PIEZO2: variants seen among roughly 807,000 people sequenced by gnomAD.
The protein encoded by PIEZO2 is piezo-type mechanosensitive ion channel component 2.
PIEZO2 carries 172 observed loss-of-function variants against 337.3 expected under a neutral mutation model. The observed-to-expected ratio is 0.51, with a 90% CI of 0.45 to 0.58. The LOEUF (loss-of-function observed/expected upper bound fraction) is 0.58, where lower values mean the gene tolerates loss of function less well. Among genes scored for constraint, PIEZO2 ranks in the 20% least tolerant of loss-of-function variants. PIEZO2 has a pLI of 0.00. For missense variants in PIEZO2, 3,028 were observed against 3,391.3 expected (o/e 0.89, Z 2.66); for synonymous variants, 1,251 against 1,228.5 (o/e 1.02, Z -0.38).
chr18:11,093,899 A>C (rs1015698967), intron 1 of PIEZO2, among the ~76,000 whole-genome samples: 2 of 152,214 alleles, frequency 1.3e-5, no homozygotes, highest in Admixed American at 1.3e-4. Context: ...TAAGTGAGTG[A>C]ACATTACATG....
At chr18:10,691,729 T>G (rs761746364) in intron 47 of PIEZO2, among the ~76,000 whole-genome samples, 4 of 134,592 alleles carry the variant, frequency 3.0e-5, no homozygotes, top group Non-Finnish European at 6.2e-5. Context: ...AGAAAAAGCC[T>G]ATATACATTA....
chr18:11,114,407 T>C (rs1488547383), intron 1 of PIEZO2, among the ~76,000 whole-genome samples: 1 of 152,258 alleles, frequency 6.6e-6, no homozygotes, highest in Non-Finnish European at 1.5e-5. Context: ...GGCTCACGCC[T>C]GTAATCCCAG....
chr18:11,049,776 C>T (rs750191226), intron 2 of PIEZO2, among the ~76,000 whole-genome samples: 3 of 152,126 alleles, frequency 2.0e-5, no homozygotes, highest in Non-Finnish European at 4.4e-5. Flanking sequence ...CCTTTCGCCT[C>T]CCACCATGAT....
In PIEZO2 at chr18:10,718,224, T is replaced by C. The variant is rs886785903; in HGVS notation, c.5065A>G (p.Ile1689Val). Residue 1689 changes from isoleucine to valine, a missense_variant, in exon 37 of 56, where the codon ATC becomes GTC. Coordinates refer to ENST00000674853, the MANE Select transcript of PIEZO2 (RefSeq NM_001378183.1). ...VEWEDREDEP[I>V]KKKSDGPDNI... ...CCTGGTCCATCGGATTTCTTTTTGA[T>C]TGGTTCATCCTCCCGGTCTTCCCAT... The C allele has an allele frequency of 4.6e-6, 7 of 1,537,030 alleles. No individual in the cohort carries two copies. Among genetic ancestry groups the C allele is most frequent in the Non-Finnish European group, 6.1e-6 (7 of 1,146,796 alleles).
Position 10,681,663 on chromosome 18 carries a change from T to C in PIEZO2, c.7777A>G (p.Thr2593Ala), listed in dbSNP as rs1395572323. 6.3e-7 allele frequency: 1 copy of C among 1,582,036 alleles called. No individual in the cohort carries two copies. The highest frequency in any genetic ancestry group is 2.2e-5 in the East Asian group (1 of 44,714). ...NKFIQAFSRD[T>A]GAMQFLENYE... The stretch of plus-strand genomic sequence containing the variant: ...ATCTACTATAGGGATTTACTTACGG[T>C]GTCCCTAGAAAAAGCTTGTATAAAT... Residue 2593 changes from threonine (T) to alanine (A), a missense_variant and splice_region_variant, in exon 51 of 56, where the codon ACC becomes GCC. Transcript: ENST00000674853.
At position 10,680,344 on chromosome 18, in the gene PIEZO2, C is replaced by A. The variant is rs2034210482; in HGVS notation, c.7807G>T (p.Glu2603Ter). ...TCTGCTACTGTTATGTCTTCTTTTT[C>A]ATAATTTTCCAGAAATTGCATAGCA... Reference protein sequence around the residue: ...TGAMQFLENYEKEDITVAELE... With the variant: ...TGAMQFLENY Residue 2603 changes from glutamate to a stop codon, truncating the protein, a stop_gained, in exon 52 of 56, where the codon GAA becomes TAA. Transcript: ENST00000674853. LOFTEE classifies it high-confidence loss of function. 5.6e-6 allele frequency: 9 copies of A among 1,613,876 alleles called. No individual in the cohort carries two copies. The highest frequency in any genetic ancestry group is 7.6e-6 in the Non-Finnish European group (9 of 1,179,892).
chr18:10,717,153 C>T (rs544673424), intron 37 of PIEZO2, among the ~76,000 whole-genome samples: 1 of 152,224 alleles, frequency 6.6e-6, no homozygotes, highest in Admixed American at 6.5e-5. Flanking sequence ...TCTCTCTCTG[C>T]CTCAGTTCCC....
At chr18:11,039,776 A>AC (rs33931942) in intron 2 of PIEZO2, among the ~76,000 whole-genome samples, 142 of 96,990 alleles carry the variant, frequency 1.5e-3, no homozygotes, top group South Asian at 2.7e-3. Flanking sequence ...ACACACACAC[A>AC]AAATTTCTTC....
At position 11,002,864 on chromosome 18, in the gene PIEZO2, G is replaced by C. The variant is rs796713329; in HGVS notation, c.161-23204C>G. Among the ~76,000 whole-genome samples the C allele has an allele frequency of 1.3e-5, 2 of 152,194 alleles. No individual in the cohort carries two copies. The highest frequency in any genetic ancestry group is 2.9e-5 in the Non-Finnish European group (2 of 68,044). On this transcript the variant is annotated intron_variant, in intron 2 of 55. Transcript: ENST00000674853. This position sits in a 1 kb window ranked among gnomAD's most constrained non-coding sequence, Gnocchi z 4.3. ...CTCACACATTTTCATGGTCCTCCATGGGCAGGTTCAGCAGAGAACAGACCA... is the reference window on the plus strand; with the variant it reads ...CTCACACATTTTCATGGTCCTCCATCGGCAGGTTCAGCAGAGAACAGACCA...
chr18:11,113,340 T>G (rs927549655), intron 1 of PIEZO2, among the ~76,000 whole-genome samples: 6 of 152,196 alleles, frequency 3.9e-5, no homozygotes, highest in Non-Finnish European at 8.8e-5. Flanking sequence ...ACTGTTTGTT[T>G]CCATTGACCA....
At chr18:11,073,579 C>A (rs1362978146) in intron 1 of PIEZO2, among the ~76,000 whole-genome samples, 2 of 152,064 alleles carry the variant, frequency 1.3e-5, no homozygotes, top group East Asian at 3.9e-4. Flanking sequence ...AGTGCACAAA[C>A]TAAAAACTAA....
intron 49 of PIEZO2, among the ~76,000 whole-genome samples, chr18:10,686,701 G>C (rs758788411): frequency 1.3e-5 from 2 of 152,184 alleles, no homozygotes; most frequent in African/African-American, 4.8e-5. Flanking sequence ...CACAGTGAAA[G>C]ATGGGGTCTA....
chr18:10,715,601 GTCT>G, intron 38 of PIEZO2, 46 bp downstream of exon 38: 1 of 1,439,998 alleles, frequency 6.9e-7, no homozygotes. Flanking sequence ...GACTTTTAAT[GTCT>G]TCTTAATGTG....
chr18:10,686,010 G>A (rs2034531134), intron 49 of PIEZO2, among the ~76,000 whole-genome samples: 1 of 152,164 alleles, frequency 6.6e-6, no homozygotes, highest in East Asian at 1.9e-4. Context: ...CCTGATATTA[G>A]AATTTTTACT....
In PIEZO2 at chr18:11,128,889, A is replaced by C. The variant is rs184095625; in HGVS notation, c.64+19636T>G. Among the ~76,000 whole-genome samples, 48 of 152,330 alleles carry C rather than the reference A, an allele frequency of 3.2e-4. 1 individual carries two copies. In the East Asian group the frequency reaches 9.3e-3, roughly 29 times the overall value. On this transcript the variant is annotated intron_variant, in intron 1 of 55. Coordinates refer to ENST00000674853, the MANE Select transcript of PIEZO2 (RefSeq NM_001378183.1). The surrounding 1 kb of genome is among the most constrained non-coding windows in gnomAD (Gnocchi z 4.1). ...ATGGATATTAAGGGTATGGGATAAT[A>C]GTGGAAGGAACAAAGAGTTGGATCA...
chr18:10,773,719 G>T lies in PIEZO2; in HGVS notation c.2568-90C>A. On this transcript the variant is annotated intron_variant, in intron 19 of 55. Coordinates refer to ENST00000674853, the MANE Select transcript of PIEZO2 (RefSeq NM_001378183.1). This position sits in a 1 kb window ranked among gnomAD's most constrained non-coding sequence, Gnocchi z 5.3. ...AAGTAAAAGGAGGATAAACACAAAT[G>T]AAATCAGTGCATGTACAAAGACCTC... is the stretch of plus-strand genomic sequence containing the variant. 1.6e-6 allele frequency: 2 copies of T among 1,231,290 alleles called. No homozygotes were observed. Among genetic ancestry groups the T allele is most frequent in the Admixed American group, 2.0e-5 (1 of 49,248 alleles). The allele number at this position is 1,231,290 out of a possible 1,614,324, so 76.3% of individuals were successfully genotyped here. A position where few individuals can be genotyped will look rare whatever the true frequency, so the allele number is the denominator to read the frequency against.
intron 1 of PIEZO2, among the ~76,000 whole-genome samples, chr18:11,103,736 C>A (rs2039480683): frequency 6.6e-6 from 1 of 151,926 alleles, no homozygotes; most frequent in Admixed American, 6.6e-5. Flanking sequence ...GTGTAAGTTT[C>A]AACAAACTTT....
chr18:11,145,916 C>A (rs991059499), intron 1 of PIEZO2, among the ~76,000 whole-genome samples: 1 of 152,148 alleles, frequency 6.6e-6, no homozygotes, highest in African/African-American at 2.4e-5. Context: ...TCTGCTTTCT[C>A]CTGGATGAGG....
intron 13 of PIEZO2, among the ~76,000 whole-genome samples, chr18:10,791,996 G>C (rs2039425252): frequency 6.6e-6 from 1 of 152,202 alleles, no homozygotes; most frequent in Non-Finnish European, 1.5e-5. Context: ...GTCCAGGCTG[G>C]AGTGTAATGG....
Sources: gnomAD v4.1 joint callset for allele counts (sites outside exome capture counted in the v4.1 genomes callset) on GRCh38, gnomAD v4.1.1 for gene constraint, Gnocchi (gnomAD v3.1) non-coding constraint, MANE v1.5 for transcripts, NCBI Gene and HGNC (gene_info 2026-07-23, HGNC 2026-07-21) for gene names.